PLEKHA1: variants seen among roughly 807,000 people sequenced by gnomAD.
The protein encoded by PLEKHA1 is pleckstrin homology domain-containing family A member 1.
A neutral mutation model predicts 52.0 loss-of-function variants in PLEKHA1; 34 were observed. The ratio of observed to expected loss-of-function variants is 0.65; its 90% CI spans 0.50 to 0.87. The LOEUF is 0.87. Ranked by LOEUF, PLEKHA1 falls within the 40% of genes least tolerant of loss-of-function variation. The pLI is 0.00. For missense variants in PLEKHA1, 497 were observed against 504.2 expected (o/e 0.99, Z 0.14); for synonymous variants, 163 against 170.7 (o/e 0.95, Z 0.35).
chr10:122,384,900 G>A (rs1449373375), intron 1 of PLEKHA1, among the ~76,000 whole-genome samples: 1 of 152,142 alleles, frequency 6.6e-6, no homozygotes, highest in Non-Finnish European at 1.5e-5. Context: ...AGGTTGCAGT[G>A]AGCCGAGTAT....
chr10:122,439,438 A>G, the PLEKHA1 span: 1 of 151,734 alleles, frequency 6.6e-6, no homozygotes, highest in Non-Finnish European at 1.5e-5. Flanking sequence ...CTTCAAAAGA[A>G]TTGGTATTCT....
chr10:122,395,228 C>G (rs897325449), intron 2 of PLEKHA1, among the ~76,000 whole-genome samples: 11 of 152,132 alleles, frequency 7.2e-5, no homozygotes, highest in African/African-American at 2.2e-4. Context: ...AAATCCAGAT[C>G]TCTATGTTAG....
intron 4 of PLEKHA1, 65 bp from the exon 5 acceptor site, chr10:122,406,511 A>T: frequency 7.6e-7 from 1 of 1,308,754 alleles, no homozygotes; most frequent in South Asian, 1.2e-5. Context: ...TTTTTCAGCT[A>T]CTGCAAACAT....
intron 6 of PLEKHA1, among the ~76,000 whole-genome samples, chr10:122,415,055 T>G (rs889564793): frequency 6.6e-6 from 1 of 152,072 alleles, no homozygotes; most frequent in African/African-American, 2.4e-5. Flanking sequence ...GGGAAACAAC[T>G]CAAATGTCCT....
intron 1 of PLEKHA1, among the ~76,000 whole-genome samples, chr10:122,382,716 CTTTTGTT>C (rs151128814): frequency 2.1e-4 from 32 of 152,150 alleles, no homozygotes; most frequent in Non-Finnish European, 4.1e-4. Context: ...ACAGTTTGTT[CTTTTGTT>C]TTTTGTTTGT....
At chr10:122,385,906 C>T (rs1435738129) in intron 1 of PLEKHA1, among the ~76,000 whole-genome samples, 4 of 152,066 alleles carry the variant, frequency 2.6e-5, no homozygotes, top group Non-Finnish European at 4.4e-5. Context: ...TTGGGTTGTT[C>T]GTGTTTTTTT....
Position 122,416,010 on chromosome 10 carries a change from G to A in PLEKHA1, c.612+8G>A, listed in dbSNP as rs1248644750. 5.7e-6 allele frequency: 9 copies of A among 1,592,710 alleles called. No individual in the cohort carries two copies. Among genetic ancestry groups the A allele is most frequent in the Non-Finnish European group, 6.8e-6 (8 of 1,171,244 alleles). On this transcript the variant is annotated splice_region_variant and intron_variant, in intron 7 of 11. Coordinates refer to ENST00000368990, the MANE Select transcript of PLEKHA1 (RefSeq NM_001001974.4). ...GTAAAACAAGGAGCAGTGGTGAGTAGCTTAACAAAATACATGAAATAATGA... is the reference window on the plus strand; with the variant it reads ...GTAAAACAAGGAGCAGTGGTGAGTAACTTAACAAAATACATGAAATAATGA...
At chr10:122,378,986 C>A (rs1367707269) in intron 1 of PLEKHA1, among the ~76,000 whole-genome samples, 1 of 152,066 alleles carries the variant, frequency 6.6e-6, no homozygotes, top group Non-Finnish European at 1.5e-5. Flanking sequence ...TAGAAAAAGA[C>A]AAGTGTTTGT....
At chr10:122,392,512 A>AT (rs1460993742) in intron 1 of PLEKHA1, 1 of 152,142 alleles carries the variant, frequency 6.6e-6, no homozygotes, top group Non-Finnish European at 1.5e-5. Context: ...TAACTAGTTT[A>AT]TTTTGATTCA....
intron 2 of PLEKHA1, among the ~76,000 whole-genome samples, chr10:122,394,069 CTTTTTTTTTTT>C (rs796831792): frequency 2.1e-4 from 20 of 97,244 alleles, no homozygotes; most frequent in South Asian, 3.6e-4. Flanking sequence ...ACTTTCTCTA[CTTTTTTTTTTT>C]TTTTTTTTTT....
chr10:122,393,047 A>G lies in PLEKHA1; in HGVS notation c.-20-134A>G, dbSNP rs554281091. On this transcript the variant is annotated intron_variant, in intron 1 of 11. Transcript: ENST00000368990. This position sits in a 1 kb window ranked among gnomAD's most constrained non-coding sequence, Gnocchi z 4.5. ...AAAGTGATTTTTGTCAATGCCTCAG[A>G]TGTTGGTGTGTGTTCATTTTAATTG... 3.4e-6 allele frequency: 2 copies of G among 581,534 alleles called. No homozygotes were observed. The highest frequency in any genetic ancestry group is 5.7e-6 in the Non-Finnish European group (2 of 353,352). 36.0% of individuals were successfully genotyped at this position (581,534 alleles called of 1,614,324 possible). A position where few individuals can be genotyped will look rare whatever the true frequency, so the allele number is the denominator to read the frequency against.
intron 11 of PLEKHA1, among the ~76,000 whole-genome samples, chr10:122,429,304 A>G (rs1252020906): frequency 2.6e-5 from 4 of 152,216 alleles, no homozygotes; most frequent in African/African-American, 4.8e-5. Context: ...TTGCAGCTGG[A>G]ACACTGTATT....
chr10:122,421,192 A>G (rs2097255818), intron 8 of PLEKHA1: 1 of 152,110 alleles, frequency 6.6e-6, no homozygotes, highest in Non-Finnish European at 1.5e-5. Flanking sequence ...GTAATGAGGT[A>G]AATTGAAATC....
intron 1 of PLEKHA1, chr10:122,375,105 C>T (rs2096505649): frequency 6.6e-6 from 1 of 151,808 alleles, no homozygotes; most frequent in Non-Finnish European, 1.5e-5. Context: ...GATTGTTTTC[C>T]CGACGTCAGC....
At position 122,397,900 on chromosome 10, in the gene PLEKHA1, T is replaced by C; in HGVS notation, c.142-18T>C. ...CATAATATTGGATATTAAGTATATA[T>C]TAATACTTTGTTTCTAGAACCTACC... On this transcript the variant is annotated intron_variant, in intron 2 of 11. Transcript: ENST00000368990. The C allele has an allele frequency of 6.4e-7, 1 of 1,567,482 alleles. No homozygotes were observed. The highest frequency in any genetic ancestry group is 1.1e-5 in the South Asian group (1 of 88,944).
At chr10:122,403,364 C>T (rs1398343794) in intron 4 of PLEKHA1, among the ~76,000 whole-genome samples, 1 of 152,060 alleles carries the variant, frequency 6.6e-6, no homozygotes, top group Non-Finnish European at 1.5e-5. Context: ...CCTCTTGATC[C>T]AAAACCGTAT....
chr10:122,421,571 G>T (rs2097260427), intron 8 of PLEKHA1: 3 of 151,998 alleles, frequency 2.0e-5, no homozygotes, highest in African/African-American at 7.3e-5. Flanking sequence ...CTCTGAAATG[G>T]TTCAGGAAAA....
chr10:122,415,414 A>G (rs1449315882), intron 6 of PLEKHA1, among the ~76,000 whole-genome samples: 1 of 152,226 alleles, frequency 6.6e-6, no homozygotes, highest in Non-Finnish European at 1.5e-5. Context: ...ATAGAACTGT[A>G]TAGACACACA....
At chr10:122,377,319 G>A (rs923510803) in intron 1 of PLEKHA1, among the ~76,000 whole-genome samples, 1 of 152,148 alleles carries the variant, frequency 6.6e-6, no homozygotes, top group Admixed American at 6.5e-5. Flanking sequence ...CCAACTGTGA[G>A]CTGAGGTAAT....
Sources: gnomAD v4.1 joint callset for allele counts (sites outside exome capture counted in the v4.1 genomes callset) on GRCh38, gnomAD v4.1.1 for gene constraint, Gnocchi (gnomAD v3.1) non-coding constraint, MANE v1.5 for transcripts, NCBI Gene and HGNC (gene_info 2026-07-23, HGNC 2026-07-21) for gene names.